Variants in RSRC2 observed in about 807,000 individuals in gnomAD.
RSRC2 encodes the protein arginine/serine-rich coiled-coil protein 2.
A neutral mutation model predicts 61.3 loss-of-function variants in RSRC2; 5 were observed. The observed-to-expected ratio is 0.08, with a 90% CI of 0.04 to 0.17. RSRC2 has a LOEUF of 0.17. Among genes scored for constraint, RSRC2 ranks in the 10% least tolerant of loss-of-function variants. The pLI is 1.00. For synonymous variants in RSRC2, 202 were observed against 166.5 expected, an observed-to-expected ratio of 1.21 and a Z score of -1.64; for missense variants, 381 against 518.8, an observed-to-expected ratio of 0.73 and a Z score of 2.58.
At position 122,518,032 on chromosome 12, in the gene RSRC2, C is replaced by T. The variant is rs144304851; in HGVS notation, c.399-602G>A. Among the ~76,000 whole-genome samples the T allele has an allele frequency of 6.8e-4, 104 of 152,312 alleles. No homozygotes were observed. The Middle Eastern group carries it at 0.02, about 30-fold the overall frequency. On this transcript the variant is annotated intron_variant, in intron 4 of 9. Coordinates refer to ENST00000331738, the MANE Select transcript of RSRC2 (RefSeq NM_023012.6). ...AAAATCTCAGCTGGGCAGAGTGACT[C>T]ACTCCTGAAATCCCAGCACTTCAGG...
chr12:122,508,403 C>T lies in RSRC2; in HGVS notation c.850G>A (p.Ala284Thr), dbSNP rs1316577903. ...GSVLNVAALL[A>T]SGTQVTPQIA... ...TGAGGTGTTACTTGTGTTCCTGATG[C>T]CAACAGGGCAGCAACATTGAGAACA... The change falls in exon 8 of 10, where the codon GCA (alanine) becomes ACA (threonine). Residue 284 changes from alanine to threonine, a missense_variant. Coordinates refer to ENST00000331738, the MANE Select transcript of RSRC2 (RefSeq NM_023012.6). 1 of 1,613,934 alleles carries T rather than the reference C, an allele frequency of 6.2e-7. No individual in the cohort carries two copies. The highest frequency in any genetic ancestry group is 2.2e-5 in the East Asian group (1 of 44,892).
chr12:122,509,828 T>G (rs957637481), intron 7 of RSRC2, among the ~76,000 whole-genome samples: 2 of 152,168 alleles, frequency 1.3e-5, no homozygotes, highest in African/African-American at 2.4e-5. Context: ...TAATTTTTTG[T>G]TTTTTGTTTT....
intron 7 of RSRC2, among the ~76,000 whole-genome samples, chr12:122,510,889 A>T (rs1958455810): frequency 7.2e-6 from 1 of 137,966 alleles, no homozygotes; most frequent in South Asian, 2.4e-4. Flanking sequence ...TACAAAAAAT[A>T]AGAAAAAAAT....
chr12:122,507,456 G>A (rs1161322198), intron 8 of RSRC2, among the ~76,000 whole-genome samples: 10 of 150,922 alleles, frequency 6.6e-5, no homozygotes, highest in Admixed American at 2.6e-4. Flanking sequence ...CAATTTTTGC[G>A]ACTGCATGTC....
rs777811374 is a variant in RSRC2, at chr12:122,526,879, G to C, written c.-26C>G. 2.5e-6 allele frequency: 4 copies of C among 1,614,126 alleles called. No individual in the cohort carries two copies. The highest frequency in any genetic ancestry group is 3.4e-6 in the Non-Finnish European group (4 of 1,179,956). On this transcript the variant is annotated 5_prime_UTR_variant, in exon 1 of 10. Transcript: ENST00000331738. ...AGTTCAGAGTCCCGGCCGCTAGAGC[G>C]GCGCCTCCACTTGTCGCTTTCAACA...
chr12:122,521,197 G>C (rs981122052), intron 3 of RSRC2, 188 bp downstream of exon 3: 7 of 466,658 alleles, frequency 1.5e-5, no homozygotes, highest in Non-Finnish European at 2.7e-5. Flanking sequence ...AAGTTTTGAA[G>C]GTACTTTTCA....
At chr12:122,520,321 G>C (rs373486367) in intron 3 of RSRC2, 83 of 339,030 alleles carry the variant, frequency 2.4e-4, no homozygotes, top group African/African-American at 1.7e-3. Context: ...AATTTTCCTT[G>C]GTTTTGCTAT....
chr12:122,508,543 G>T, intron 7 of RSRC2, 96 bp from the exon 8 acceptor site: 1 of 964,654 alleles, frequency 1.0e-6, no homozygotes, highest in Non-Finnish European at 1.5e-6. Context: ...AGCTATGAAT[G>T]TGCAAAAAGG....
chr12:122,526,908 C>A lies in RSRC2; in HGVS notation c.-55G>T. The A allele has an allele frequency of 1.2e-6, 2 of 1,607,884 alleles. No homozygotes were observed. Among genetic ancestry groups the A allele is most frequent in the South Asian group, 2.2e-5 (2 of 90,918 alleles). ...CCTCCACTTGTCGCTTTCAACAGTA[C>A]CGGCCGCTCCGAAGCTTCGCCTCAG... On this transcript the variant is annotated 5_prime_UTR_variant, in exon 1 of 10. Coordinates refer to ENST00000331738, the MANE Select transcript of RSRC2 (RefSeq NM_023012.6).
chr12:122,506,628 C>G, intron 9 of RSRC2: 2 of 497,558 alleles, frequency 4.0e-6, no homozygotes, highest in Non-Finnish European at 7.1e-6. Flanking sequence ...CTCTCTCTCT[C>G]TCCAAGTGTG....
chr12:122,526,892 G>GTCTGTT lies in RSRC2; in HGVS notation c.-40_-39insAACAGA, dbSNP rs746257214. On this transcript the variant is annotated 5_prime_UTR_variant, in exon 1 of 10. Transcript: ENST00000331738. ...GGCCGCTAGAGCGGCGCCTCCACTT[G>GTCTGTT]TCGCTTTCAACAGTACCGGCCGCTC... 1.2e-5 allele frequency: 19 copies of GTCTGTT among 1,613,616 alleles called. No homozygotes were observed. The highest frequency in any genetic ancestry group is 1.6e-4 in the Middle Eastern group (1 of 6,080).
At chr12:122,515,516 C>T (rs908464056) in intron 5 of RSRC2, among the ~76,000 whole-genome samples, 4 of 152,122 alleles carry the variant, frequency 2.6e-5, no homozygotes, top group African/African-American at 4.8e-5. Context: ...CATGCCCCAC[C>T]GCATCTGGCT....
At chr12:122,521,677 T>C (rs1959221720) in intron 2 of RSRC2, among the ~76,000 whole-genome samples, 1 of 152,246 alleles carries the variant, frequency 6.6e-6, no homozygotes, top group South Asian at 2.1e-4. Context: ...TTCAGTATTT[T>C]ACATATATTC....
chr12:122,510,398 T>C (rs1233484053), intron 7 of RSRC2, among the ~76,000 whole-genome samples: 6 of 152,078 alleles, frequency 3.9e-5, no homozygotes, highest in Non-Finnish European at 8.8e-5. Context: ...GATGTGGTGG[T>C]GCACACCTGT....
At chr12:122,514,811 CAA>C (rs11322682) in intron 6 of RSRC2, 1,750 of 607,322 alleles carry the variant, frequency 2.9e-3, no homozygotes, top group South Asian at 4.5e-3. Context: ...ATTTAAGACT[CAA>C]AAAAAAAAAG....
chr12:122,521,957 T>G (rs1483951147), intron 2 of RSRC2, among the ~76,000 whole-genome samples, 186 bp downstream of exon 2: 1 of 152,194 alleles, frequency 6.6e-6, no homozygotes, highest in Non-Finnish European at 1.5e-5. Flanking sequence ...GCTGAGAGTG[T>G]GTCAATTTTT....
chr12:122,514,647 G>C, intron 6 of RSRC2: 1 of 1,041,646 alleles, frequency 9.6e-7, no homozygotes, highest in Non-Finnish European at 1.2e-6. Context: ...AAATAAATTA[G>C]CTTATAATGT....
At chr12:122,509,385 G>A (rs11610303) in intron 7 of RSRC2, among the ~76,000 whole-genome samples, 1 of 151,466 alleles carries the variant, frequency 6.6e-6, no homozygotes, top group Non-Finnish European at 1.5e-5. Context: ...GAGAGGTGGA[G>A]GTTGTTGTGA....
chr12:122,518,542 G>A (rs767350365), intron 4 of RSRC2, among the ~76,000 whole-genome samples: 5 of 150,590 alleles, frequency 3.3e-5, no homozygotes, highest in Non-Finnish European at 2.9e-5. Flanking sequence ...GCAGTGAGCC[G>A]AGATCATGCC....
Sources: allele counts gnomAD v4.1 joint callset (sites outside exome capture counted in the v4.1 genomes callset), GRCh38; gene constraint gnomAD v4.1.1; transcripts MANE v1.5; gene names NCBI Gene and HGNC (gene_info 2026-07-23, HGNC 2026-07-21).